CDCA7: variants seen among roughly 807,000 people sequenced by gnomAD.
CDCA7 encodes the protein cell division cycle associated 7.
In CDCA7, 28 loss-of-function variants were observed where a neutral mutation model predicts 54.0. The observed-to-expected ratio is 0.52, with a 90% confidence interval of 0.38 to 0.71. The LOEUF is 0.71. Ranked by LOEUF, CDCA7 falls within the 30% of genes least tolerant of loss-of-function variation. The pLI is 0.00. For synonymous variants in CDCA7, 180 were observed against 208.2 expected (o/e 0.86, Z 1.16); for missense variants, 484 against 586.0 (o/e 0.83, Z 1.80).
intron 3 of CDCA7, among the ~76,000 whole-genome samples, chr2:173,362,341 G>A (rs995900843): frequency 3.9e-5 from 6 of 152,164 alleles, no homozygotes; most frequent in Non-Finnish European, 8.8e-5. Flanking sequence ...AATGGGTATG[G>A]ATGGAGTTTT....
rs1005840248 is a variant in CDCA7 at position 173,365,434 on chromosome 2, G to T, written c.895-18G>T. The T allele has an allele frequency of 6.3e-7, 1 of 1,597,308 alleles. No individual in the cohort carries two copies. Among genetic ancestry groups the T allele is most frequent in the Non-Finnish European group, 8.5e-7 (1 of 1,172,662 alleles). On this transcript the variant is annotated intron_variant, in intron 6 of 9. Coordinates refer to ENST00000306721, the MANE Select transcript of CDCA7 (RefSeq NM_031942.5). ...TTTCAGTTTTGAAGTTCTGTGTTTT[G>T]TATTCCTTGTAATGCAGGAAGATGA...
chr2:173,365,987 G>C (rs941528859), intron 7 of CDCA7, among the ~76,000 whole-genome samples: 1 of 152,106 alleles, frequency 6.6e-6, no homozygotes, highest in Non-Finnish European at 1.5e-5. Flanking sequence ...ACCACACCAG[G>C]CTAATTTTTA....
intron 5 of CDCA7, 165 bp from the exon 6 acceptor site, chr2:173,364,630 T>G: frequency 1.0e-6 from 1 of 968,472 alleles, no homozygotes; most frequent in Non-Finnish European, 1.4e-6. Flanking sequence ...GATGGCCATA[T>G]AGGTTTTAGG....
chr2:173,359,932 T>C (rs1301715534), intron 3 of CDCA7, among the ~76,000 whole-genome samples: 3 of 152,224 alleles, frequency 2.0e-5, no homozygotes, highest in Non-Finnish European at 4.4e-5. Flanking sequence ...AGGAGCTCCA[T>C]TGCAGATAAT....
chr2:173,367,515 A>G lies in CDCA7; in HGVS notation c.1323-119A>G, dbSNP rs1213660747. On this transcript the variant is annotated intron_variant, in intron 9 of 9. Coordinates refer to ENST00000306721, the MANE Select transcript of CDCA7 (RefSeq NM_031942.5). ...AGGTAATATACTTGAAGATGCGCAC[A>G]CTTGACCATAGTGATGTTATAACTC... 2.2e-6 allele frequency: 3 copies of G among 1,363,430 alleles called. No homozygotes were observed. In the African/African-American group the frequency reaches 4.3e-5, roughly 20 times the overall value. 84.5% of individuals were successfully genotyped at this position (1,363,430 alleles called of 1,614,324 possible).
chr2:173,361,598 G>T (rs2106389854), intron 3 of CDCA7, among the ~76,000 whole-genome samples: 1 of 151,674 alleles, frequency 6.6e-6, no homozygotes, highest in South Asian at 2.1e-4. Flanking sequence ...CTACAGGCAT[G>T]TGCCACCACA....
At chr2:173,367,406 G>A (rs1416380614) in intron 9 of CDCA7, 120 bp downstream of exon 9, 33 of 1,449,926 alleles carry the variant, frequency 2.3e-5, no homozygotes, top group South Asian at 3.6e-5. Context: ...TGACTGGAAC[G>A]GGGCACACTG....
Position 173,368,866 on chromosome 2 carries a change from A to G in CDCA7, c.*1202A>G, listed in dbSNP as rs138038773. 14 of 152,350 alleles carry G rather than the reference A, an allele frequency of 9.2e-5. 1 individual carries two copies. The East Asian group carries it at 2.5e-3, about 27-fold the overall frequency. 9.4% of individuals were successfully genotyped at this position (152,350 alleles called of 1,614,324 possible). ...ACAGCTTTTGATCTGTAATGCTTTT[A>G]TACAAAAGTTTATTTTAATAATAAA... On this transcript the variant is annotated 3_prime_UTR_variant, in exon 10 of 10. Transcript: ENST00000306721.
At chr2:173,367,001 G>A in intron 8 of CDCA7, 149 bp from the exon 9 acceptor site, 1 of 1,134,522 alleles carries the variant, frequency 8.8e-7, no homozygotes, top group Non-Finnish European at 1.2e-6. Flanking sequence ...CTGGAAGGAA[G>A]CATTAGGCAT....
At chr2:173,365,108 C>T in intron 6 of CDCA7, 119 bp downstream of exon 6, 1 of 1,389,056 alleles carries the variant, frequency 7.2e-7, no homozygotes. Flanking sequence ...AAATGTTTTC[C>T]TCTAACCATT....
At chr2:173,355,493 G>T (rs1686481361) in intron 1 of CDCA7, among the ~76,000 whole-genome samples, 1 of 152,240 alleles carries the variant, frequency 6.6e-6, no homozygotes, top group African/African-American at 2.4e-5. Context: ...AACCGCTGAG[G>T]GCCAGCGCGT....
At chr2:173,362,665 C>T (rs1210678247) in intron 3 of CDCA7, among the ~76,000 whole-genome samples, 1 of 151,800 alleles carries the variant, frequency 6.6e-6, no homozygotes, top group Admixed American at 6.6e-5. Flanking sequence ...GCCTCTGCCC[C>T]CTGGGCTCAA....
chr2:173,357,242 A>G (rs1686524397), intron 1 of CDCA7, among the ~76,000 whole-genome samples: 1 of 152,248 alleles, frequency 6.6e-6, no homozygotes, highest in South Asian at 2.1e-4. Context: ...TTCTGAGAGC[A>G]GTGCCAGGCT....
At chr2:173,364,154 A>G (rs895153848) in intron 5 of CDCA7, 35 of 344,912 alleles carry the variant, frequency 1.0e-4, no homozygotes, top group Middle Eastern at 1.6e-3. Context: ...TAAGCCCCTC[A>G]TGGGCAGGTA....
At chr2:173,365,703 CTA>C (rs1282698986) in intron 7 of CDCA7, 111 bp downstream of exon 7, 28 of 1,224,196 alleles carry the variant, frequency 2.3e-5, no homozygotes, top group Non-Finnish European at 3.0e-5. Flanking sequence ...AAATCTGTAC[CTA>C]TATGTTTTTT....
At chr2:173,355,043 G>T in intron 1 of CDCA7, 59 bp downstream of exon 1, 1 of 1,295,340 alleles carries the variant, frequency 7.7e-7, no homozygotes, top group African/African-American at 1.5e-5. Flanking sequence ...ACGCAGGCGG[G>T]CGCGGGCCGA....
At chr2:173,367,336 A>G in intron 9 of CDCA7, 50 bp downstream of exon 9, 2 of 1,610,082 alleles carry the variant, frequency 1.2e-6, no homozygotes, top group Non-Finnish European at 1.7e-6. Context: ...ATATTCATTT[A>G]TGTCTTAATG....
chr2:173,364,600 T>TATC (rs1553476933), intron 5 of CDCA7, 195 bp from the exon 6 acceptor site: 6 of 468,232 alleles, frequency 1.3e-5, no homozygotes, highest in African/African-American at 8.6e-5. Context: ...CTGGGCTTGG[T>TATC]ATTACAAAAG....
rs934125196 is a variant in CDCA7, at chr2:173,365,688, A to C, written c.1035+96A>C. 20 of 1,363,034 alleles carry C rather than the reference A, an allele frequency of 1.5e-5. No homozygotes were observed. In the South Asian group the frequency reaches 3.0e-4, roughly 20 times the overall value. The allele number at this position is 1,363,034 out of a possible 1,614,324, so 84.4% of individuals were successfully genotyped here. ...TTGCCCAGGTTCTAAAGGGCCTAGC[A>C]TGTGAAATCTGTACCTATATGTTTT... On this transcript the variant is annotated intron_variant, in intron 7 of 9. Coordinates refer to ENST00000306721, the MANE Select transcript of CDCA7 (RefSeq NM_031942.5).
Sources: allele counts gnomAD v4.1 joint callset (sites outside exome capture counted in the v4.1 genomes callset), GRCh38; gene constraint gnomAD v4.1.1; transcripts MANE v1.5; gene names NCBI Gene and HGNC (gene_info 2026-07-23, HGNC 2026-07-21).